The following USH2A variants were observed in gnomAD, a reference collection of about 807,000 sequenced individuals.
USH2A encodes Usher syndrome 2A (autosomal recessive, mild).
A neutral mutation model predicts 538.9 loss-of-function variants in USH2A; 443 were observed. That is an observed-to-expected ratio of 0.82 (90% CI 0.76 to 0.89). USH2A has a LOEUF of 0.89. USH2A is among the 40% of genes least tolerant of loss of function. USH2A has a pLI of 0.00. For missense variants in USH2A, 6,633 were observed against 6,324.8 expected, an observed-to-expected ratio of 1.05 and a Z score of -1.65; for synonymous variants, 2,413 against 2,273.5, an observed-to-expected ratio of 1.06 and a Z score of -1.75.
At chr1:216,146,626 A>G (rs867323550) in intron 21 of USH2A, among the ~76,000 whole-genome samples, 7 of 151,364 alleles carry the variant, frequency 4.6e-5, no homozygotes, top group African/African-American at 1.7e-4. Context: ...CCGCACCCCA[A>G]CCTCTTATCT....
chr1:216,337,635 C>A (rs980764535), intron 4 of USH2A, among the ~76,000 whole-genome samples: 7 of 151,308 alleles, frequency 4.6e-5, no homozygotes, highest in Non-Finnish European at 8.9e-5. Flanking sequence ...CTTGCTCTCA[C>A]TGCTTTTTTT....
chr1:215,836,506 T>TATTATA (rs1553267742), intron 47 of USH2A, among the ~76,000 whole-genome samples: 1 of 18,320 alleles, frequency 5.5e-5, no homozygotes, highest in Non-Finnish European at 9.7e-5. Context: ...ATAATATATA[T>TATTATA]TATATATATA....
chr1:216,322,336 C>G (rs1010890488), intron 8 of USH2A, among the ~76,000 whole-genome samples: 1 of 152,080 alleles, frequency 6.6e-6, no homozygotes, highest in African/African-American at 2.4e-5. Context: ...AGCACGGTGG[C>G]TCACGCCTGT....
chr1:215,990,073 C>T (rs1667968609), intron 35 of USH2A, among the ~76,000 whole-genome samples: 1 of 152,118 alleles, frequency 6.6e-6, no homozygotes, highest in Non-Finnish European at 1.5e-5. Context: ...TGAAGTCTAT[C>T]TTATTCTCCA....
chr1:216,289,208 A>G (rs537532647), intron 11 of USH2A, 72 bp downstream of exon 11: 113 of 1,601,666 alleles, frequency 7.1e-5, no homozygotes, highest in Non-Finnish European at 9.4e-5. Flanking sequence ...CAATTCTACT[A>G]GTGGAATAAC....
chr1:215,634,273 G>T (rs1020133898), intron 70 of USH2A, among the ~76,000 whole-genome samples, 186 bp downstream of exon 70: 3 of 152,144 alleles, frequency 2.0e-5, no homozygotes, highest in African/African-American at 7.2e-5. Context: ...CTTTCCAGGT[G>T]ATTCTAATGT....
rs139896882 is a variant in USH2A, at chr1:216,264,098, T to C, written c.1972-13000A>G. 1.9e-3 allele frequency among the ~76,000 whole-genome samples: 293 copies of C among 151,980 alleles called. 3 individuals are homozygous for C. The highest frequency in any genetic ancestry group is 6.8e-3 in the African/African-American group (280 of 41,470). ...AAACTATAAAACTTATAATAGAAAT[T>C]AAAGAGGACACATAAGAAAATGGAA... On this transcript the variant is annotated intron_variant, in intron 11 of 71. Coordinates refer to ENST00000307340, the MANE Select transcript of USH2A (RefSeq NM_206933.4).
intron 61 of USH2A, among the ~76,000 whole-genome samples, chr1:215,694,923 A>G (rs1558057997): frequency 6.6e-6 from 1 of 152,344 alleles, no homozygotes; most frequent in East Asian, 1.9e-4. Flanking sequence ...TTAATGATAA[A>G]ACTTTAGCAG....
chr1:215,696,648 T>C (rs1395504717), intron 61 of USH2A, among the ~76,000 whole-genome samples: 2 of 152,198 alleles, frequency 1.3e-5, no homozygotes, highest in African/African-American at 4.8e-5. Context: ...TTGCTGGCCT[T>C]GGGTCAGCTG....
intron 61 of USH2A, among the ~76,000 whole-genome samples, chr1:215,689,592 T>A (rs1045855138): frequency 2.0e-5 from 3 of 152,162 alleles, no homozygotes; most frequent in Non-Finnish European, 4.4e-5. Context: ...AGACACCATC[T>A]CAGCAGACTG....
intron 40 of USH2A, among the ~76,000 whole-genome samples, chr1:215,890,949 G>A (rs559208724): frequency 6.6e-6 from 1 of 152,084 alleles, no homozygotes; most frequent in East Asian, 1.9e-4. Context: ...TTAAAAATCA[G>A]AATATTTTTT....
At chr1:215,640,127 A>C (rs537484947) in intron 68 of USH2A, among the ~76,000 whole-genome samples, 2 of 152,210 alleles carry the variant, frequency 1.3e-5, no homozygotes, top group African/African-American at 4.8e-5. Flanking sequence ...GAAACCCCTT[A>C]TTCAGGTCCT....
At chr1:215,651,173 T>C (rs1478392639) in intron 64 of USH2A, among the ~76,000 whole-genome samples, 3 of 152,182 alleles carry the variant, frequency 2.0e-5, no homozygotes, top group Admixed American at 2.0e-4. Context: ...AACTCAGCAA[T>C]TCTTAAACAT....
intron 64 of USH2A, among the ~76,000 whole-genome samples, chr1:215,656,864 G>C (rs1393985669): frequency 2.0e-5 from 3 of 152,154 alleles, no homozygotes; most frequent in Admixed American, 6.5e-5. Context: ...ACATAATTTT[G>C]TAACAATTCA....
chr1:215,664,457 A>G (rs773555547), intron 64 of USH2A, among the ~76,000 whole-genome samples: 6 of 152,190 alleles, frequency 3.9e-5, no homozygotes, highest in Non-Finnish European at 7.3e-5. Flanking sequence ...ATACCATTAG[A>G]AAATTCTGTT....
rs1016659222 is a variant in USH2A, at chr1:215,741,504, T to C, written c.11582A>G (p.Lys3861Arg). Residue 3861 changes from lysine (K) to arginine (R), a missense_variant, in exon 60 of 72, where the codon AAA (lysine) becomes AGA (arginine). Lys to Arg is a conservative substitution (Grantham distance 26). Coordinates refer to ENST00000307340, the MANE Select transcript of USH2A (RefSeq NM_206933.4). ...ATCCATTGGGGCTGCTTCAGGTGTTTTGACAAACATCCTACTGCTAACTCC... is the reference window on the plus strand; with the variant it reads ...ATCCATTGGGGCTGCTTCAGGTGTTCTGACAAACATCCTACTGCTAACTCC... ...SCGVSSRMFV[K>R]TPEAAPMDLN... 1.2e-5 allele frequency: 19 copies of C among 1,613,758 alleles called. No individual in the cohort carries two copies. The highest frequency in any genetic ancestry group is 1.7e-5 in the Admixed American group (1 of 59,996).
chr1:215,946,565 G>C (rs1278056350), intron 37 of USH2A, among the ~76,000 whole-genome samples: 1 of 152,156 alleles, frequency 6.6e-6, no homozygotes, highest in Non-Finnish European at 1.5e-5. Flanking sequence ...ATTATTTCTT[G>C]AAACCCGGTA....
At position 215,856,806 on chromosome 1, in the gene USH2A, C is replaced by G. The variant is rs146792906; in HGVS notation, c.8845+10201G>C. ...ACATGGAACCAGCCCAAACGCCCAT[C>G]AATCAATGAGTGGATAAAAAAATTT... On this transcript the variant is annotated intron_variant, in intron 44 of 71. Coordinates refer to ENST00000307340, the MANE Select transcript of USH2A (RefSeq NM_206933.4). Among the ~76,000 whole-genome samples the G allele has an allele frequency of 4.1e-3, 612 of 150,768 alleles. 5 individuals are homozygous for G. Among genetic ancestry groups the G allele is most frequent in the Middle Eastern group, 0.014 (4 of 294 alleles).
At chr1:216,140,462 T>C (rs79628700) in intron 21 of USH2A, among the ~76,000 whole-genome samples, 2,318 of 152,256 alleles carry the variant, frequency 0.015, 68 homozygotes, top group African/African-American at 0.052. Flanking sequence ...TAAATATTTG[T>C]TCAAAAAAAG....
Sources: gnomAD v4.1 joint callset for allele counts (sites outside exome capture counted in the v4.1 genomes callset) on GRCh38, gnomAD v4.1.1 for gene constraint, MANE v1.5 for transcripts, NCBI Gene and HGNC (gene_info 2026-07-23, HGNC 2026-07-21) for gene names.